CCDC60: variants seen among roughly 807,000 people sequenced by gnomAD.
The protein encoded by CCDC60 is coiled-coil domain containing 60.
In CCDC60, 54 loss-of-function variants were observed where a neutral mutation model predicts 63.5. That is an observed-to-expected ratio of 0.85 (90% confidence interval 0.68 to 1.07). The LOEUF is 1.07. Among genes scored for constraint, CCDC60 ranks in the 50% least tolerant of loss-of-function variants. The pLI, the probability that CCDC60 is intolerant of heterozygous loss-of-function variation, is 0.00. For synonymous variants in CCDC60, 206 were observed against 238.8 expected (o/e 0.86, Z 1.27); for missense variants, 651 against 684.3 (o/e 0.95, Z 0.54).
At chr12:119,489,374 C>G (rs1346841533) in intron 5 of CCDC60, among the ~76,000 whole-genome samples, 3 of 151,974 alleles carry the variant, frequency 2.0e-5, no homozygotes, top group Non-Finnish European at 4.4e-5. Flanking sequence ...GCTTAATATA[C>G]ATTGGTGGCT....
chr12:119,508,449 C>T (rs1223376862), intron 7 of CCDC60, among the ~76,000 whole-genome samples: 1 of 151,938 alleles, frequency 6.6e-6, no homozygotes, highest in African/African-American at 2.4e-5. Context: ...CCACTGCACT[C>T]CAGCCTGGCA....
chr12:119,456,047 GA>G lies in CCDC60; in HGVS notation c.171-15944del, dbSNP rs1166672173. ...AGAAAGAAAGAAAGAAAGAAAGAAA[GA>G]AAGAAAGAAAGAAAGCAAGCAAGCA... On this transcript the variant is annotated intron_variant, in intron 2 of 13. Transcript: ENST00000327554. This position sits in a 1 kb window ranked among gnomAD's most constrained non-coding sequence, Gnocchi z 4.6. Among the ~76,000 whole-genome samples, 1 of 147,316 alleles carries G rather than the reference GA, an allele frequency of 6.8e-6. No homozygotes were observed. The highest frequency in any genetic ancestry group is 1.5e-5 in the Non-Finnish European group (1 of 67,174).
intron 1 of CCDC60, among the ~76,000 whole-genome samples, chr12:119,408,106 G>C (rs1357329576): frequency 6.6e-6 from 1 of 152,184 alleles, no homozygotes; most frequent in Non-Finnish European, 1.5e-5. Flanking sequence ...GACTGTTATA[G>C]TCAAAGAAGA....
At chr12:119,438,561 T>C (rs1950372708) in intron 2 of CCDC60, among the ~76,000 whole-genome samples, 1 of 152,240 alleles carries the variant, frequency 6.6e-6, no homozygotes, top group Non-Finnish European at 1.5e-5. Context: ...AGACCTCAGT[T>C]ACTTTATCTA....
chr12:119,502,558 T>C (rs954460593), intron 6 of CCDC60, among the ~76,000 whole-genome samples: 4 of 152,218 alleles, frequency 2.6e-5, no homozygotes, highest in Non-Finnish European at 5.9e-5. Flanking sequence ...CCCTACATTT[T>C]ATTTTTCTGC....
At position 119,410,195 on chromosome 12, in the gene CCDC60, G is replaced by GTC. The variant is rs1375067062; in HGVS notation, c.91-18487_91-18486insCT. 2.8e-5 allele frequency among the ~76,000 whole-genome samples: 4 copies of GTC among 141,612 alleles called. No homozygotes were observed. The highest frequency in any genetic ancestry group is 2.6e-4 in the South Asian group (1 of 3,874). 92.9% of individuals were successfully genotyped at this position (141,612 alleles called of 152,430 possible). A position where few individuals can be genotyped will look rare whatever the true frequency, so the allele number is the denominator to read the frequency against. ...AGTGTTGGAAAGAGTGTGTGTGTGTGTGTGTCTGTGTGTGTGTGTGTGTGT... is the reference window on the plus strand; with the variant it reads ...AGTGTTGGAAAGAGTGTGTGTGTGTGTCTGTGTCTGTGTGTGTGTGTGTGTGT... On this transcript the variant is annotated intron_variant, in intron 1 of 13. Transcript: ENST00000327554. This position sits in a 1 kb window ranked among gnomAD's most constrained non-coding sequence, Gnocchi z 4.0.
chr12:119,369,103 C>T (rs1267853589), intron 1 of CCDC60, among the ~76,000 whole-genome samples: 4 of 152,090 alleles, frequency 2.6e-5, no homozygotes, highest in Admixed American at 2.6e-4. Flanking sequence ...ACTAGGGATA[C>T]AGGAGGTAAA....
chr12:119,500,405 G>A (rs894841059), intron 6 of CCDC60, among the ~76,000 whole-genome samples: 1 of 152,034 alleles, frequency 6.6e-6, no homozygotes. Flanking sequence ...GGACAGGAGG[G>A]GGTGCTAAGC....
chr12:119,418,189 T>G (rs908675558), intron 1 of CCDC60, among the ~76,000 whole-genome samples: 5 of 152,030 alleles, frequency 3.3e-5, no homozygotes, highest in African/African-American at 9.7e-5. Context: ...GTATGTACTA[T>G]ATATATAATA....
At chr12:119,486,633 AGAAAG>A (rs1951446534) in intron 4 of CCDC60, among the ~76,000 whole-genome samples, 1 of 152,236 alleles carries the variant, frequency 6.6e-6, no homozygotes, top group Non-Finnish European at 1.5e-5. Flanking sequence ...ACTCCAGGGA[AGAAAG>A]GAAAGAGAGT....
intron 5 of CCDC60, among the ~76,000 whole-genome samples, chr12:119,498,630 G>A (rs1021460057): frequency 3.9e-5 from 6 of 152,214 alleles, no homozygotes; most frequent in East Asian, 1.9e-4. Context: ...AGCCCGGTTC[G>A]TCTTCTTATT....
rs140160984 is a variant in CCDC60, at chr12:119,488,062, C to A, written c.450-697C>A. On this transcript the variant is annotated intron_variant, in intron 4 of 13. Coordinates refer to ENST00000327554, the MANE Select transcript of CCDC60 (RefSeq NM_178499.5). ...AACTCCTGAGATCAAGCAACCCACC[C>A]GCCTCAGCCTCTCAAAGTGCTGGGA... 6.6e-3 allele frequency among the ~76,000 whole-genome samples: 1,001 copies of A among 152,104 alleles called. 5 individuals are homozygous for A. The highest frequency in any genetic ancestry group is 0.023 in the African/African-American group (942 of 41,488).
chr12:119,443,762 TG>T (rs1950488432), intron 2 of CCDC60, among the ~76,000 whole-genome samples: 1 of 152,210 alleles, frequency 6.6e-6, no homozygotes, highest in South Asian at 2.1e-4. Context: ...GAACAAAACA[TG>T]GCTTTTGGAG....
chr12:119,490,939 A>G (rs917939401), intron 5 of CCDC60, among the ~76,000 whole-genome samples: 3 of 152,250 alleles, frequency 2.0e-5, no homozygotes, highest in African/African-American at 7.2e-5. Flanking sequence ...CAAAAAATGT[A>G]TAAGTATATA....
chr12:119,399,640 G>A (rs1956351230), intron 1 of CCDC60, among the ~76,000 whole-genome samples: 1 of 152,136 alleles, frequency 6.6e-6, no homozygotes. Flanking sequence ...CTCAAGAGGG[G>A]CTACGTTCTC....
intron 13 of CCDC60, among the ~76,000 whole-genome samples, chr12:119,532,396 CTAT>C (rs71451846): frequency 0.031 from 4,435 of 142,272 alleles, 80 homozygotes; most frequent in African/African-American, 0.052. Context: ...CATCACAGAA[CTAT>C]TATTATTATT....
chr12:119,368,955 G>C (rs1812114998), intron 1 of CCDC60, among the ~76,000 whole-genome samples: 1 of 152,120 alleles, frequency 6.6e-6, no homozygotes, highest in African/African-American at 2.4e-5. Flanking sequence ...AACGTCTAGA[G>C]AGGATGAAGA....
intron 2 of CCDC60, among the ~76,000 whole-genome samples, chr12:119,445,843 A>G (rs548783378): frequency 1.3e-5 from 2 of 152,282 alleles, no homozygotes; most frequent in African/African-American, 4.8e-5. Flanking sequence ...GGAATGGAAA[A>G]CCAAATATCG....
rs1951068194 is a variant in CCDC60, at chr12:119,471,926, C to T, written c.171-68C>T. ...TCTCTCTCTTTCTTTCTCTCCTTCT[C>T]TTTCCTTCTCTCTCTCCACCCTCCC... On this transcript the variant is annotated intron_variant, in intron 2 of 13. Transcript: ENST00000327554. The T allele has an allele frequency of 2.2e-6, 3 of 1,335,966 alleles. No individual in the cohort carries two copies. The Admixed American group carries it at 6.0e-5, about 27-fold the overall frequency. 82.8% of individuals were successfully genotyped at this position (1,335,966 alleles called of 1,614,324 possible).
Sources: allele counts gnomAD v4.1 joint callset (sites outside exome capture counted in the v4.1 genomes callset), GRCh38; gene constraint gnomAD v4.1.1; non-coding constraint Gnocchi (gnomAD v3.1); transcripts MANE v1.5; gene names NCBI Gene and HGNC (gene_info 2026-07-23, HGNC 2026-07-21).